CAMK4: variants seen among roughly 807,000 people sequenced by gnomAD.
CAMK4 encodes calcium/calmodulin dependent protein kinase IV, also known as calcium/calmodulin-dependent protein kinase type IV.
A neutral mutation model predicts 44.9 loss-of-function variants in CAMK4; 22 were observed. The ratio of observed to expected loss-of-function variants is 0.49; its 90% confidence interval spans 0.35 to 0.70. CAMK4 has a LOEUF of 0.70. CAMK4 is among the 30% of genes least tolerant of loss of function. The pLI is 0.01. For missense variants in CAMK4, 498 were observed against 586.8 expected, an observed-to-expected ratio of 0.85 and a Z score of 1.56; for synonymous variants, 218 against 215.4, an observed-to-expected ratio of 1.01 and a Z score of -0.11.
intron 1 of CAMK4, among the ~76,000 whole-genome samples, chr5:111,287,721 G>A (rs904147697): frequency 2.0e-5 from 3 of 152,192 alleles, no homozygotes; most frequent in Non-Finnish European, 2.9e-5. Context: ...TAATATGACT[G>A]TTAGAGATGA....
intron 7 of CAMK4, among the ~76,000 whole-genome samples, chr5:111,472,366 T>A (rs28694): frequency 0.83 from 125,567 of 152,134 alleles, 52,615 homozygotes; most frequent in African/African-American, 0.95. Flanking sequence ...CTTCTTCAAG[T>A]ACGCTGCTGG....
chr5:111,484,044 G>T lies in CAMK4; in HGVS notation c.1000G>T (p.Val334Leu). 6.3e-7 allele frequency: 1 copy of T among 1,593,536 alleles called. No individual in the cohort carries two copies. The highest frequency in any genetic ancestry group is 8.5e-7 in the Non-Finnish European group (1 of 1,169,700). ...RKLKAAVKAV[V>L]ASSRLGSASS... ...CAATCAGGCAGCGGTGAAGGCTGTGGTGGCCTCTTCGCGCCTGGGAAGTGC... is the reference window on the plus strand; with the variant it reads ...CAATCAGGCAGCGGTGAAGGCTGTGTTGGCCTCTTCGCGCCTGGGAAGTGC... Residue 334 changes from valine to leucine, a missense_variant, in exon 11 of 11, where the codon GTG (valine) becomes TTG (leucine). Physicochemically the swap from Val to Leu is conservative, Grantham distance 32. This residue lies in a region of CAMK4 where 203 missense variants were observed against 298.2 expected (regional missense o/e 0.68). Coordinates refer to ENST00000282356, the MANE Select transcript of CAMK4 (RefSeq NM_001744.6). This position sits in a 1 kb window ranked among gnomAD's most constrained non-coding sequence, Gnocchi z 5.3.
At chr5:111,375,948 G>A (rs1191042002) in intron 3 of CAMK4, among the ~76,000 whole-genome samples, 1 of 152,052 alleles carries the variant, frequency 6.6e-6, no homozygotes, top group East Asian at 1.9e-4. Context: ...CAGAAACTAT[G>A]GCAGTGGAAG....
intron 1 of CAMK4, among the ~76,000 whole-genome samples, chr5:111,321,973 A>G (rs1748682061): frequency 6.6e-6 from 1 of 152,144 alleles, no homozygotes; most frequent in South Asian, 2.1e-4. Flanking sequence ...ACTGAATCAA[A>G]TTCAATAAGG....
intron 1 of CAMK4, among the ~76,000 whole-genome samples, chr5:111,295,369 A>G (rs1747439670): frequency 6.6e-6 from 1 of 152,206 alleles, no homozygotes; most frequent in Admixed American, 6.5e-5. Context: ...TCTAAAAATC[A>G]TAGTCAATAT....
At chr5:111,411,927 CTGTT>C (rs1479940557) in intron 5 of CAMK4, among the ~76,000 whole-genome samples, 3 of 152,080 alleles carry the variant, frequency 2.0e-5, no homozygotes, top group Non-Finnish European at 4.4e-5. Flanking sequence ...AGCATCTGCT[CTGTT>C]TATTCAAAAA....
intron 4 of CAMK4, among the ~76,000 whole-genome samples, chr5:111,386,730 G>A (rs1000253091): frequency 1.3e-5 from 2 of 152,198 alleles, no homozygotes; most frequent in African/African-American, 2.4e-5. Flanking sequence ...CCAGCACAGC[G>A]AGCAGTGGAA....
intron 1 of CAMK4, among the ~76,000 whole-genome samples, chr5:111,230,672 T>C (rs987632490): frequency 6.6e-6 from 1 of 152,208 alleles, no homozygotes; most frequent in Non-Finnish European, 1.5e-5. Flanking sequence ...CAAAGAACTT[T>C]CTTGTAAACA....
intron 1 of CAMK4, among the ~76,000 whole-genome samples, chr5:111,297,070 G>A (rs1382200982): frequency 6.6e-6 from 1 of 152,152 alleles, no homozygotes; most frequent in Non-Finnish European, 1.5e-5. Context: ...GATCCACCTT[G>A]CTCTTAAGCT....
intron 5 of CAMK4, among the ~76,000 whole-genome samples, chr5:111,402,690 G>T (rs10075494): frequency 0.37 from 56,459 of 152,076 alleles, 11,203 homozygotes; most frequent in South Asian, 0.5. Context: ...TGCCCAGTGA[G>T]TTCCTTGGGA....
In CAMK4 at chr5:111,249,666, ATGTGTGTGTGTGTGTGTGTGTGTG is replaced by A. The variant is rs3066628; in HGVS notation, c.161+25038_161+25061del. On this transcript the variant is annotated intron_variant, in intron 1 of 10. Transcript: ENST00000282356. ...TATATGTGTGTGTGTGTGTATATAT[ATGTGTGTGTGTGTGTGTGTGTGTG>A]TGTGTGTGTGTGTGTATTTGCTTTC... is the stretch of plus-strand genomic sequence containing the variant. 2.1e-5 allele frequency among the ~76,000 whole-genome samples: 3 copies of A among 140,686 alleles called. No individual in the cohort carries two copies. In the South Asian group the frequency reaches 6.8e-4, roughly 32 times the overall value. 92.3% of individuals were successfully genotyped at this position (140,686 alleles called of 152,430 possible). A position where few individuals can be genotyped will look rare whatever the true frequency, so the allele number is the denominator to read the frequency against.
At chr5:111,466,968 C>T (rs1050437206) in intron 7 of CAMK4, among the ~76,000 whole-genome samples, 1 of 152,134 alleles carries the variant, frequency 6.6e-6, no homozygotes, top group Non-Finnish European at 1.5e-5. Context: ...ACCAAAACAA[C>T]ATGGTACTGG....
At chr5:111,405,707 A>G (rs1752400283) in intron 5 of CAMK4, among the ~76,000 whole-genome samples, 1 of 152,184 alleles carries the variant, frequency 6.6e-6, no homozygotes, top group South Asian at 2.1e-4. Flanking sequence ...AAAATGGTTC[A>G]CATGATTCTG....
intron 4 of CAMK4, among the ~76,000 whole-genome samples, chr5:111,378,455 T>G (rs1751295990): frequency 6.6e-6 from 1 of 152,138 alleles, no homozygotes; most frequent in Non-Finnish European, 1.5e-5. Flanking sequence ...TTTCAAAGGT[T>G]CTGTCTCTTT....
intron 1 of CAMK4, among the ~76,000 whole-genome samples, chr5:111,312,117 T>C (rs1748231110): frequency 6.6e-6 from 1 of 152,164 alleles, no homozygotes; most frequent in African/African-American, 2.4e-5. Context: ...TTCTAAGAAA[T>C]AACTCTATTT....
rs200559234 is a variant in CAMK4, at chr5:111,344,121, T to C, written c.240+19T>C. The C allele has an allele frequency of 1.2e-4, 167 of 1,442,852 alleles. No homozygotes were observed. The highest frequency in any genetic ancestry group is 1.7e-4 in the Middle Eastern group (1 of 5,720). The allele number at this position is 1,442,852 out of a possible 1,614,324, so 89.4% of individuals were successfully genotyped here. On this transcript the variant is annotated intron_variant, in intron 2 of 10. Transcript: ENST00000282356. ...GAAAACAGTAAGTTTATTTCTTATA[T>C]AATGGCATCTCTAAGGGGCCTGTGA... is the stretch of plus-strand genomic sequence containing the variant.
chr5:111,324,495 G>C (rs544769900), intron 1 of CAMK4, among the ~76,000 whole-genome samples: 31 of 152,076 alleles, frequency 2.0e-4, no homozygotes, highest in African/African-American at 7.2e-4. Context: ...ATTTCATAAT[G>C]ATTTAACTAG....
At chr5:111,372,713 G>A (rs936317443) in intron 2 of CAMK4, among the ~76,000 whole-genome samples, 1 of 152,122 alleles carries the variant, frequency 6.6e-6, no homozygotes, top group South Asian at 2.1e-4. Context: ...ATCAATACAT[G>A]GTCTGAATCA....
intron 7 of CAMK4, among the ~76,000 whole-genome samples, chr5:111,466,632 C>T (rs2112475802): frequency 6.6e-6 from 1 of 152,202 alleles, no homozygotes; most frequent in African/African-American, 2.4e-5. Flanking sequence ...TAGGAACAAA[C>T]CTAGCCAAGG....
Sources: gnomAD v4.1 joint callset for allele counts (sites outside exome capture counted in the v4.1 genomes callset) on GRCh38, gnomAD v4.1.1 for gene constraint, gnomAD v4.1.1 regional missense constraint, Gnocchi (gnomAD v3.1) non-coding constraint, MANE v1.5 for transcripts, NCBI Gene and HGNC (gene_info 2026-07-23, HGNC 2026-07-21) for gene names.